Variants in TRIM49C observed in about 807,000 individuals in gnomAD.
TRIM49C encodes tripartite motif containing 49C.
Under a neutral mutation model 21.4 loss-of-function variants are expected in TRIM49C, and 6 were observed. The ratio of observed to expected loss-of-function variants is 0.28; its 90% CI spans 0.15 to 0.55. The LOEUF (loss-of-function observed/expected upper bound fraction) is 0.55. Among genes scored for constraint, TRIM49C ranks in the 20% least tolerant of loss-of-function variants. The pLI, the probability that TRIM49C is intolerant of heterozygous loss-of-function variation, is 0.94. For missense variants in TRIM49C, 161 were observed against 442.4 expected (o/e 0.36, Z 5.71); for synonymous variants, 57 against 148.1 (o/e 0.38, Z 4.47).
At chr11:90,066,652 AC>A in the TRIM49C span, among the ~76,000 whole-genome samples, 1 of 114,980 alleles carries the variant, frequency 8.7e-6, no homozygotes. Flanking sequence ...TTATTCATCC[AC>A]CTTTTTGAAT....
the TRIM49C span, chr11:90,071,245 A>G: frequency 2.1e-6 from 1 of 481,188 alleles, no homozygotes; most frequent in Non-Finnish European, 4.1e-6. Context: ...CAACAAAGGG[A>G]AAACATAATT....
the TRIM49C span, among the ~76,000 whole-genome samples, chr11:90,056,430 T>C: frequency 9.7e-6 from 1 of 102,718 alleles, no homozygotes; most frequent in Non-Finnish European, 2.0e-5. Context: ...GGAACCTTCA[T>C]CTTTCAAAGG....
chr11:90,059,827 G>C, the TRIM49C span, among the ~76,000 whole-genome samples: 18,853 of 137,986 alleles, frequency 0.14, 1,399 homozygotes, highest in East Asian at 0.29. Context: ...GGTGATGGAG[G>C]AGGCCCGGGT....
At chr11:90,045,705 A>G (rs1950797462), downstream of TRIM49C, among the ~76,000 whole-genome samples, 1 of 98,526 alleles carries the variant, frequency 1.0e-5, no homozygotes, top group Admixed American at 1.3e-4. Flanking sequence ...TAAACATACA[A>G]TCGTGTCATC....
At chr11:90,068,989 A>G in the TRIM49C span, among the ~76,000 whole-genome samples, 1 of 120,192 alleles carries the variant, frequency 8.3e-6, no homozygotes, top group African/African-American at 3.5e-5. Context: ...TGTTTCGAAA[A>G]GAAAAAAAAA....
the TRIM49C span, among the ~76,000 whole-genome samples, chr11:90,060,479 A>T: frequency 1.3e-5 from 2 of 152,222 alleles, no homozygotes; most frequent in East Asian, 3.8e-4. Context: ...AAAGGAGCTC[A>T]GCAAGAGAAG....
At chr11:90,044,054 G>A (rs1950787715), downstream of TRIM49C, among the ~76,000 whole-genome samples, 1 of 43,996 alleles carries the variant, frequency 2.3e-5, no homozygotes, top group Non-Finnish European at 3.9e-5. Context: ...GTGATAGTTT[G>A]CTGAGAATGA....
At chr11:90,052,081 C>G in the TRIM49C span, 4 of 558,118 alleles carry the variant, frequency 7.2e-6, no homozygotes, top group Non-Finnish European at 8.7e-6. Flanking sequence ...GCTGCTCCGC[C>G]GCAGGCGCTG....
chr11:90,053,603 T>A, the TRIM49C span: 7 of 154,886 alleles, frequency 4.5e-5, no homozygotes, highest in African/African-American at 1.5e-4. Context: ...TCGGGCAGAC[T>A]GGAGAAGTCC....
chr11:90,069,042 T>C, the TRIM49C span, among the ~76,000 whole-genome samples: 5 of 130,472 alleles, frequency 3.8e-5, no homozygotes, highest in African/African-American at 9.4e-5. Context: ...TAGAGAAAAA[T>C]ACAGCAGGAA....
chr11:90,055,579 C>T, the TRIM49C span, among the ~76,000 whole-genome samples: 2 of 151,542 alleles, frequency 1.3e-5, no homozygotes, highest in South Asian at 4.2e-4. Context: ...AAACAGCATT[C>T]CCAGATATAT....
At chr11:90,052,472 G>A in the TRIM49C span, 2 of 182,168 alleles carry the variant, frequency 1.1e-5, no homozygotes, top group Non-Finnish European at 2.2e-5. Context: ...ACGGCGCCCG[G>A]CGTCAGCGCG....
At chr11:90,055,063 A>G in the TRIM49C span, among the ~76,000 whole-genome samples, 4 of 147,818 alleles carry the variant, frequency 2.7e-5, no homozygotes, top group East Asian at 7.8e-4. Context: ...TGGAGCCCTA[A>G]GGTGAATAAT....
the TRIM49C span, among the ~76,000 whole-genome samples, chr11:90,063,346 A>G: frequency 7.9e-6 from 1 of 126,220 alleles, no homozygotes; most frequent in South Asian, 3.0e-4. Flanking sequence ...GCCTAATACA[A>G]TGTAAATGTT....
intron 1 of TRIM49C, among the ~76,000 whole-genome samples, chr11:90,031,594 C>A (rs1217939741): frequency 6.6e-6 from 1 of 150,878 alleles, no homozygotes; most frequent in Non-Finnish European, 1.5e-5. Flanking sequence ...CAAAATAATT[C>A]CCGTGGTGCA....
chr11:90,034,080 G>C (rs1426201988), intron 2 of TRIM49C, among the ~76,000 whole-genome samples: 2 of 125,600 alleles, frequency 1.6e-5, no homozygotes, highest in Non-Finnish European at 3.2e-5. Flanking sequence ...ATGGAGTCTA[G>C]AGAGTTCCAA....
the TRIM49C span, chr11:90,071,048 G>T: frequency 4.3e-6 from 2 of 466,064 alleles, no homozygotes; most frequent in Non-Finnish European, 8.4e-6. Flanking sequence ...CACCCACCTT[G>T]GCCTCCCAAA....
downstream of TRIM49C, among the ~76,000 whole-genome samples, chr11:90,046,277 G>A (rs1406676380): frequency 1.6e-5 from 2 of 125,406 alleles, 1 homozygote; most frequent in Middle Eastern, 7.2e-3. Flanking sequence ...TTGGTATCAG[G>A]ATGATGCTGG....
At chr11:90,055,949 C>A in the TRIM49C span, among the ~76,000 whole-genome samples, 1 of 127,068 alleles carries the variant, frequency 7.9e-6, no homozygotes, top group Non-Finnish European at 1.6e-5. Context: ...TCTCTGTCAT[C>A]TGGATTCTTT....
Sources: gnomAD v4.1 joint callset for allele counts (sites outside exome capture counted in the v4.1 genomes callset) on GRCh38, gnomAD v4.1.1 for gene constraint, MANE v1.5 for transcripts, NCBI Gene and HGNC (gene_info 2026-07-23, HGNC 2026-07-21) for gene names.